The following RPS6KC1 variants were observed in gnomAD, a reference collection of about 807,000 sequenced individuals.
RPS6KC1 encodes the protein inactive ribosomal protein S6 kinase delta-1.
A neutral mutation model predicts 103.8 loss-of-function variants in RPS6KC1; 54 were observed. The ratio of observed to expected loss-of-function variants is 0.52; its 90% CI spans 0.42 to 0.65. RPS6KC1 has a LOEUF of 0.65. RPS6KC1 is among the 30% of genes least tolerant of loss of function. RPS6KC1 has a pLI of 0.00. For synonymous variants in RPS6KC1, 439 were observed against 438.7 expected, an observed-to-expected ratio of 1.00 and a Z score of -0.01; for missense variants, 1,151 against 1,253.8, an observed-to-expected ratio of 0.92 and a Z score of 1.24.
At chr1:213,566,555 A>G in the RPS6KC1 span, among the ~76,000 whole-genome samples, 1 of 132,892 alleles carries the variant, frequency 7.5e-6, no homozygotes, top group Non-Finnish European at 1.6e-5. Flanking sequence ...TCAACCTATC[A>G]TTCTCATATT....
chr1:213,326,473 G>T, the RPS6KC1 span, among the ~76,000 whole-genome samples: 6 of 151,848 alleles, frequency 4.0e-5, no homozygotes, highest in Non-Finnish European at 8.8e-5. Context: ...CCTCTTTTTT[G>T]CTTGATTCAT....
chr1:213,323,041 GGT>G, the RPS6KC1 span, among the ~76,000 whole-genome samples: 9 of 150,214 alleles, frequency 6.0e-5, no homozygotes, highest in East Asian at 8.0e-4. Flanking sequence ...TGGGATTACA[GGT>G]GTGAGCCACT....
chr1:213,226,222 CA>C (rs11442353), intron 8 of RPS6KC1, among the ~76,000 whole-genome samples: 233 of 127,422 alleles, frequency 1.8e-3, no homozygotes, highest in African/African-American at 4.2e-3. Context: ...GACTCTGTCT[CA>C]AAAAAAAAAA....
At chr1:213,787,508 A>G in the RPS6KC1 span, among the ~76,000 whole-genome samples, 84 of 152,302 alleles carry the variant, frequency 5.5e-4, no homozygotes, top group African/African-American at 2.0e-3. Flanking sequence ...AGGAATGAAA[A>G]TGGGGTTCAT....
chr1:213,196,178 C>T (rs947687674), intron 8 of RPS6KC1, among the ~76,000 whole-genome samples: 5 of 151,942 alleles, frequency 3.3e-5, no homozygotes, highest in Non-Finnish European at 5.9e-5. Flanking sequence ...GTTATTCTTT[C>T]AGGAGTAAGG....
At chr1:213,458,913 A>AT in the RPS6KC1 span, among the ~76,000 whole-genome samples, 14 of 151,980 alleles carry the variant, frequency 9.2e-5, no homozygotes, top group African/African-American at 3.4e-4. Flanking sequence ...ATTACGTTTG[A>AT]TTTCCATATA....
At chr1:213,271,464 G>A (rs904889417) in intron 14 of RPS6KC1, among the ~76,000 whole-genome samples, 1 of 151,868 alleles carries the variant, frequency 6.6e-6, no homozygotes, top group Non-Finnish European at 1.5e-5. Flanking sequence ...ACTTTTTAGG[G>A]TAATCAAAAT....
At chr1:213,137,881 A>C (rs1306603602) in intron 6 of RPS6KC1, among the ~76,000 whole-genome samples, 1 of 125,574 alleles carries the variant, frequency 8.0e-6, no homozygotes, top group Non-Finnish European at 1.6e-5. Flanking sequence ...TCTGGTCACC[A>C]CATCCATTGG....
chr1:213,377,761 G>A, the RPS6KC1 span, among the ~76,000 whole-genome samples: 1 of 152,268 alleles, frequency 6.6e-6, no homozygotes. Flanking sequence ...TGGGAAAATA[G>A]GAAATAAAAA....
chr1:213,836,859 A>G, the RPS6KC1 span, among the ~76,000 whole-genome samples: 1 of 152,192 alleles, frequency 6.6e-6, no homozygotes, highest in African/African-American at 2.4e-5. Flanking sequence ...CACTGCCCTC[A>G]GGGACTCTGG....
the RPS6KC1 span, among the ~76,000 whole-genome samples, chr1:213,767,396 C>G: frequency 6.6e-6 from 1 of 152,142 alleles, no homozygotes; most frequent in East Asian, 1.9e-4. Flanking sequence ...AGCCACATTT[C>G]CTCCCCATCT....
At chr1:213,369,815 G>C in the RPS6KC1 span, among the ~76,000 whole-genome samples, 1 of 152,206 alleles carries the variant, frequency 6.6e-6, no homozygotes, top group Non-Finnish European at 1.5e-5. Context: ...CGACCTGGTC[G>C]ACCCAGGGAA....
chr1:213,357,269 A>G, the RPS6KC1 span, among the ~76,000 whole-genome samples: 1 of 151,868 alleles, frequency 6.6e-6, no homozygotes, highest in African/African-American at 2.4e-5. Context: ...GTTGGAGACA[A>G]ACACCTTTCC....
At chr1:213,370,512 A>G in the RPS6KC1 span, among the ~76,000 whole-genome samples, 165 of 152,262 alleles carry the variant, frequency 1.1e-3, 1 homozygote, top group Non-Finnish European at 6.2e-4. Context: ...TCATGGGGCA[A>G]CACATGACCA....
chr1:213,740,974 A>ACATC, the RPS6KC1 span, among the ~76,000 whole-genome samples: 1 of 94,954 alleles, frequency 1.1e-5, no homozygotes, highest in Non-Finnish European at 2.4e-5. Flanking sequence ...ACATATATAT[A>ACATC]TCAGATATAT....
At chr1:213,773,545 A>C in the RPS6KC1 span, among the ~76,000 whole-genome samples, 1 of 148,998 alleles carries the variant, frequency 6.7e-6, no homozygotes, top group African/African-American at 2.4e-5. Context: ...AGATATATAT[A>C]TCTCTATATA....
the RPS6KC1 span, among the ~76,000 whole-genome samples, chr1:213,407,497 A>T: frequency 1.3e-5 from 2 of 152,246 alleles, no homozygotes; most frequent in African/African-American, 4.8e-5. Context: ...TACCTGAAGT[A>T]GCTTGCCTGT....
At chr1:213,559,530 A>T in the RPS6KC1 span, among the ~76,000 whole-genome samples, 2 of 152,204 alleles carry the variant, frequency 1.3e-5, no homozygotes, top group Non-Finnish European at 2.9e-5. Context: ...TATAAGACAC[A>T]TGCCTCACCT....
At chr1:213,762,625 AG>A in the RPS6KC1 span, among the ~76,000 whole-genome samples, 4 of 152,214 alleles carry the variant, frequency 2.6e-5, no homozygotes, top group Non-Finnish European at 5.9e-5. Flanking sequence ...CACTCTCAAG[AG>A]ATTTCTTTCC....
Sources: allele counts gnomAD v4.1 joint callset (sites outside exome capture counted in the v4.1 genomes callset), GRCh38; gene constraint gnomAD v4.1.1; transcripts MANE v1.5; gene names NCBI Gene and HGNC (gene_info 2026-07-23, HGNC 2026-07-21).